The following PPP1R9A variants were observed in gnomAD, a reference collection of about 807,000 sequenced individuals.
The protein encoded by PPP1R9A is protein phosphatase 1 regulatory subunit 9A, also known as neurabin-1.
In PPP1R9A, 59 loss-of-function variants were observed where a neutral mutation model predicts 141.9. The ratio of observed to expected loss-of-function variants is 0.42; its 90% CI spans 0.34 to 0.52. The LOEUF (loss-of-function observed/expected upper bound fraction) is 0.52. PPP1R9A is among the 20% of genes least tolerant of loss of function. The pLI, the probability that PPP1R9A is intolerant of heterozygous loss-of-function variation, is 0.10. For synonymous variants in PPP1R9A, 500 were observed against 569.7 expected, an observed-to-expected ratio of 0.88 and a Z score of 1.74; for missense variants, 1,444 against 1,611.9, an observed-to-expected ratio of 0.90 and a Z score of 1.78.
intron 7 of PPP1R9A, among the ~76,000 whole-genome samples, chr7:95,211,826 A>C (rs1415737144): frequency 2.6e-5 from 4 of 152,168 alleles, no homozygotes; most frequent in African/African-American, 4.8e-5. Context: ...TCTCTAAAAA[A>C]ATAATTTTGT....
intron 5 of PPP1R9A, 80 bp downstream of exon 5, chr7:95,162,051 A>G (rs1585020406): frequency 1.2e-6 from 1 of 819,224 alleles, no homozygotes; most frequent in East Asian, 2.9e-5. Context: ...CTGCAAATAA[A>G]TGTAATTACA....
chr7:94,911,036 C>A lies in PPP1R9A; in HGVS notation c.923C>A (p.Ser308Tyr). 6.2e-7 allele frequency: 1 copy of A among 1,614,150 alleles called. No homozygotes were observed. The highest frequency in any genetic ancestry group is 8.5e-7 in the Non-Finnish European group (1 of 1,180,016). ...QQSKEPEDST[S>Y]NQQTPDSIDK... ...AGCAAGGAACCCGAGGACTCCACAT[C>A]TAATCAACAGACTCCCGACAGCATT... The change falls in exon 2 of 20, where the codon TCT becomes TAT. Residue 308 changes from serine to tyrosine, a missense_variant. By Grantham distance (144) the Ser-to-Tyr change is moderately radical. Around this residue, in one of 5 missense-constraint regions of PPP1R9A, gnomAD observed 490 missense variants for 521.1 expected, o/e 0.94. Coordinates refer to ENST00000433360, the MANE Select transcript of PPP1R9A (RefSeq NM_001166160.2).
chr7:95,084,299 G>A (rs1816316337), intron 2 of PPP1R9A, among the ~76,000 whole-genome samples: 1 of 151,890 alleles, frequency 6.6e-6, no homozygotes, highest in African/African-American at 2.4e-5. Flanking sequence ...GAACTTAGAA[G>A]GACATGATGA....
chr7:94,989,403 T>C (rs1397899066), intron 2 of PPP1R9A, among the ~76,000 whole-genome samples: 1 of 152,114 alleles, frequency 6.6e-6, no homozygotes, highest in Non-Finnish European at 1.5e-5. Flanking sequence ...TGACTTTCTA[T>C]TGGGGGTAGT....
intron 2 of PPP1R9A, chr7:95,098,513 T>C (rs942417840): frequency 6.6e-6 from 1 of 152,212 alleles, no homozygotes; most frequent in African/African-American, 2.4e-5. Context: ...CATTCCTTTT[T>C]TCCTCTGCAC....
At chr7:95,215,591 G>T (rs1793187856) in intron 7 of PPP1R9A, among the ~76,000 whole-genome samples, 1 of 152,176 alleles carries the variant, frequency 6.6e-6, no homozygotes, top group South Asian at 2.1e-4. Flanking sequence ...CCCACCAACA[G>T]TGTAAAAGTG....
At chr7:95,284,437 A>C (rs1804895497) in intron 17 of PPP1R9A, 107 bp downstream of exon 17, 2 of 1,108,776 alleles carry the variant, frequency 1.8e-6, no homozygotes, top group Non-Finnish European at 2.5e-6. Flanking sequence ...ATTGTACATT[A>C]CTCTTTGATT....
At chr7:95,062,418 A>ATT (rs576031319) in intron 2 of PPP1R9A, among the ~76,000 whole-genome samples, 17 of 138,592 alleles carry the variant, frequency 1.2e-4, no homozygotes, top group African/African-American at 2.7e-4. Context: ...AGATTAGGGA[A>ATT]TTTTTTTTTT....
intron 5 of PPP1R9A, among the ~76,000 whole-genome samples, chr7:95,196,219 C>T (rs1836257763): frequency 6.6e-6 from 1 of 151,912 alleles, no homozygotes; most frequent in African/African-American, 2.4e-5. Flanking sequence ...TCAGTAAGTG[C>T]ATGAAAAGAT....
At chr7:95,003,958 G>A (rs1803277298) in intron 2 of PPP1R9A, among the ~76,000 whole-genome samples, 1 of 152,142 alleles carries the variant, frequency 6.6e-6, no homozygotes, top group South Asian at 2.1e-4. Context: ...AGCAGGTGAA[G>A]GCTTGGATTT....
chr7:95,097,354 G>C lies in PPP1R9A; in HGVS notation c.1396-13905G>C, dbSNP rs191873133. ...TAAGGTATTTTCAATACTGAGCATA[G>C]TGCCAACCAGTGAGCTGGTGCTTAA... On this transcript the variant is annotated intron_variant, in intron 2 of 19. Transcript: ENST00000433360. Among the ~76,000 whole-genome samples, 422 of 152,200 alleles carry C rather than the reference G, an allele frequency of 2.8e-3. 1 individual carries two copies. The highest frequency in any genetic ancestry group is 9.7e-3 in the African/African-American group (404 of 41,534).
At chr7:95,152,832 C>T (rs1455664529) in intron 4 of PPP1R9A, among the ~76,000 whole-genome samples, 1 of 142,336 alleles carries the variant, frequency 7.0e-6, no homozygotes, top group East Asian at 2.1e-4. Flanking sequence ...TCTCTACAGC[C>T]ACACCCTTTT....
chr7:95,252,245 A>ATC, intron 12 of PPP1R9A, 115 bp downstream of exon 12: 1 of 1,174,134 alleles, frequency 8.5e-7, no homozygotes, highest in Non-Finnish European at 1.1e-6. Flanking sequence ...ACTATGGGAA[A>ATC]GAAGAAAAGG....
At chr7:95,227,329 T>A (rs1795278729) in intron 8 of PPP1R9A, among the ~76,000 whole-genome samples, 1 of 152,172 alleles carries the variant, frequency 6.6e-6, no homozygotes, top group Non-Finnish European at 1.5e-5. Flanking sequence ...TGGTAGATAA[T>A]TGAGCTGGAA....
At chr7:95,119,949 CTATCT>C (rs1363572903) in intron 3 of PPP1R9A, among the ~76,000 whole-genome samples, 4 of 128,690 alleles carry the variant, frequency 3.1e-5, no homozygotes, top group Non-Finnish European at 6.2e-5. Context: ...CTCAAATATA[CTATCT>C]TTTTTTTTTT....
At chr7:95,160,183 C>T (rs1384814412) in intron 4 of PPP1R9A, among the ~76,000 whole-genome samples, 1 of 151,924 alleles carries the variant, frequency 6.6e-6, no homozygotes, top group Non-Finnish European at 1.5e-5. Flanking sequence ...CACACAAAAA[C>T]ACTTGTATGT....
rs557345008 is a variant in PPP1R9A at position 95,192,722 on chromosome 7, A to G, written c.1755-5627A>G. Reference sequence around the variant, plus strand: ...ATTTATAGTTTGGTGGATTTGTCCCATCAAAGTTGGTTTTCCCTTTTACTT... The same window carrying G: ...ATTTATAGTTTGGTGGATTTGTCCCGTCAAAGTTGGTTTTCCCTTTTACTT... On this transcript the variant is annotated intron_variant, in intron 5 of 19. Transcript: ENST00000433360. 7.9e-5 allele frequency among the ~76,000 whole-genome samples: 12 copies of G among 152,224 alleles called. No individual in the cohort carries two copies. The South Asian group carries it at 2.5e-3, about 32-fold the overall frequency.
intron 12 of PPP1R9A, among the ~76,000 whole-genome samples, chr7:95,265,669 G>A (rs115794081): frequency 8.5e-5 from 13 of 152,230 alleles, no homozygotes; most frequent in African/African-American, 2.9e-4. Flanking sequence ...CTATTAAGGC[G>A]AAAGTTTTCA....
chr7:94,963,593 C>G (rs1039121510), intron 2 of PPP1R9A, among the ~76,000 whole-genome samples: 1 of 152,134 alleles, frequency 6.6e-6, no homozygotes, highest in Non-Finnish European at 1.5e-5. Context: ...ATGTTTTCAT[C>G]CATGTTGTAG....
Sources: allele counts gnomAD v4.1 joint callset (sites outside exome capture counted in the v4.1 genomes callset), GRCh38; gene constraint gnomAD v4.1.1; regional missense constraint gnomAD v4.1.1; transcripts MANE v1.5; gene names NCBI Gene and HGNC (gene_info 2026-07-23, HGNC 2026-07-21).